The following VTI1A variants were observed in gnomAD, a reference collection of about 807,000 sequenced individuals.
VTI1A encodes vesicle transport through interaction with t-SNAREs 1A.
A neutral mutation model predicts 34.9 loss-of-function variants in VTI1A; 22 were observed. The ratio of observed to expected loss-of-function variants is 0.63; its 90% CI spans 0.45 to 0.90. VTI1A has a LOEUF of 0.90. Among genes scored for constraint, VTI1A ranks in the 40% least tolerant of loss-of-function variants. The pLI is 0.00. For synonymous variants in VTI1A, 87 were observed against 97.3 expected, an observed-to-expected ratio of 0.89 and a Z score of 0.62; for missense variants, 268 against 275.6, an observed-to-expected ratio of 0.97 and a Z score of 0.20.
intron 1 of VTI1A, among the ~76,000 whole-genome samples, chr10:112,459,140 A>C (rs1240162813): frequency 6.6e-6 from 1 of 152,208 alleles, no homozygotes; most frequent in African/African-American, 2.4e-5. Context: ...AATAAAGAAC[A>C]AGAAAGTTGT....
intron 5 of VTI1A, among the ~76,000 whole-genome samples, chr10:112,571,632 C>A (rs147701507): frequency 6.6e-6 from 1 of 152,122 alleles, no homozygotes; most frequent in South Asian, 2.1e-4. Flanking sequence ...AATCCCATTA[C>A]TGGATATGTA....
At position 112,589,892 on chromosome 10, in the gene VTI1A, G is replaced by A. The variant is rs1175390061; in HGVS notation, c.427+51562G>A. On this transcript the variant is annotated intron_variant, in intron 5 of 7. Transcript: ENST00000393077. ...AGAGAGAATATTTTATGTTAAGAAA[G>A]CCTGAATTTATTTCATGGGAATTGC... 2.6e-5 allele frequency among the ~76,000 whole-genome samples: 4 copies of A among 152,294 alleles called. No homozygotes were observed. In the East Asian group the frequency reaches 7.7e-4, roughly 29 times the overall value.
intron 5 of VTI1A, among the ~76,000 whole-genome samples, chr10:112,643,678 C>T (rs1336061628): frequency 6.6e-6 from 1 of 152,092 alleles, no homozygotes; most frequent in East Asian, 1.9e-4. Context: ...TCATTCTGTA[C>T]TGCATAAGCT....
At chr10:112,492,363 G>T (rs888847411) in intron 3 of VTI1A, among the ~76,000 whole-genome samples, 1 of 152,188 alleles carries the variant, frequency 6.6e-6, no homozygotes, top group South Asian at 2.1e-4. Flanking sequence ...TTAGCCCTAA[G>T]GGTCTTTTAC....
chr10:112,516,368 G>T (rs1849779848), intron 3 of VTI1A, among the ~76,000 whole-genome samples: 1 of 151,880 alleles, frequency 6.6e-6, no homozygotes, highest in African/African-American at 2.4e-5. Flanking sequence ...GTTGGAGAGT[G>T]GTCTGTTGCT....
chr10:112,663,286 C>T (rs1847529179), intron 5 of VTI1A, among the ~76,000 whole-genome samples: 1 of 152,218 alleles, frequency 6.6e-6, no homozygotes, highest in African/African-American at 2.4e-5. Flanking sequence ...ATTCTCAGAG[C>T]AGGTACTTGC....
the VTI1A span, among the ~76,000 whole-genome samples, chr10:112,841,673 C>T: frequency 6.6e-6 from 1 of 152,176 alleles, no homozygotes; most frequent in Non-Finnish European, 1.5e-5. Context: ...CAGCCCTGCC[C>T]ATGGCAGTCA....
intron 3 of VTI1A, among the ~76,000 whole-genome samples, chr10:112,500,862 T>G (rs1043082833): frequency 6.6e-6 from 1 of 152,236 alleles, no homozygotes; most frequent in Non-Finnish European, 1.5e-5. Context: ...ATTTTATACA[T>G]GCTATGTCCT....
At chr10:112,849,773 G>A in the VTI1A span, among the ~76,000 whole-genome samples, 11 of 152,306 alleles carry the variant, frequency 7.2e-5, no homozygotes, top group East Asian at 1.9e-4. Context: ...AGTCTGAGTC[G>A]CTGAATGCAC....
At chr10:112,807,112 C>G (rs1239007766) in intron 7 of VTI1A, among the ~76,000 whole-genome samples, 2 of 152,142 alleles carry the variant, frequency 1.3e-5, no homozygotes, top group East Asian at 1.9e-4. Context: ...CTGACCTGTC[C>G]TTTGGAGGAG....
At chr10:112,698,396 TGC>T (rs1271910377) in intron 7 of VTI1A, among the ~76,000 whole-genome samples, 1 of 152,222 alleles carries the variant, frequency 6.6e-6, no homozygotes, top group Non-Finnish European at 1.5e-5. Context: ...CCCCAGTTTT[TGC>T]TTACACTAGC....
intron 7 of VTI1A, among the ~76,000 whole-genome samples, chr10:112,782,916 G>C (rs1192997338): frequency 6.6e-6 from 1 of 152,152 alleles, no homozygotes; most frequent in Non-Finnish European, 1.5e-5. Flanking sequence ...TCAAACTGTA[G>C]TGTTCGTGGA....
At chr10:112,763,642 C>T (rs768902460) in intron 7 of VTI1A, among the ~76,000 whole-genome samples, 4 of 152,172 alleles carry the variant, frequency 2.6e-5, no homozygotes, top group Non-Finnish European at 5.9e-5. Context: ...AATCCTGCTT[C>T]GCTGAGTTGT....
In VTI1A at chr10:112,815,354, G is replaced by A; in HGVS notation, c.625G>A (p.Ala209Thr). ...GIIVVITILMAITFSVRRH is the reference protein window; with the variant it reads ...GIIVVITILMTITFSVRRH Reference sequence around the variant, plus strand: ...CATCGTGGTCATCACCATCCTGATGGCGATCACTTTTTCTGTCAGAAGACA... The same window carrying A: ...CATCGTGGTCATCACCATCCTGATGACGATCACTTTTTCTGTCAGAAGACA... Residue 209 changes from alanine to threonine, a missense_variant, in exon 8 of 8, where the codon GCG (alanine) becomes ACG (threonine). By Grantham distance (58) the Ala-to-Thr change is moderately conservative. Coordinates refer to ENST00000393077, the MANE Select transcript of VTI1A (RefSeq NM_145206.4). 6.2e-7 allele frequency: 1 copy of A among 1,613,986 alleles called. No homozygotes were observed. The highest frequency in any genetic ancestry group is 1.1e-5 in the South Asian group (1 of 91,070).
At position 112,668,945 on chromosome 10, in the gene VTI1A, A is replaced by G. The variant is rs544304026; in HGVS notation, c.507A>G (p.Glu169=). 6.2e-7 allele frequency: 1 copy of G among 1,612,426 alleles called. No individual in the cohort carries two copies. The highest frequency in any genetic ancestry group is 2.2e-5 in the East Asian group (1 of 44,844). Residue 169 remains glutamate, a synonymous_variant, in exon 7 of 8, where the codon GAA becomes GAG. Transcript: ENST00000393077. ...TTTGTTTCTTCTTGTAGCTTCGGGAAACAGATGCTAATTTGGGAAAAAGCT... is the reference window on the plus strand; with the variant it reads ...TTTGTTTCTTCTTGTAGCTTCGGGAGACAGATGCTAATTTGGGAAAAAGCT... ...KIQRARERLR[E]TDANLGKSSR...
intron 5 of VTI1A, among the ~76,000 whole-genome samples, chr10:112,616,506 C>A (rs4918760): frequency 0.67 from 102,397 of 151,936 alleles, 35,105 homozygotes; most frequent in African/African-American, 0.78. Flanking sequence ...CCTATACATT[C>A]AGTTCAACAA....
chr10:112,475,080 A>G lies in VTI1A; in HGVS notation c.264+10423A>G, dbSNP rs552192180. Reference sequence around the variant, plus strand: ...GTTCTTGACCCTTCTCATCATGTACACTTGATTAGAATAATATTATGTGTT... The same window carrying G: ...GTTCTTGACCCTTCTCATCATGTACGCTTGATTAGAATAATATTATGTGTT... On this transcript the variant is annotated intron_variant, in intron 3 of 7. Coordinates refer to ENST00000393077, the MANE Select transcript of VTI1A (RefSeq NM_145206.4). 2.0e-5 allele frequency among the ~76,000 whole-genome samples: 3 copies of G among 152,304 alleles called. No homozygotes were observed. In the East Asian group the frequency reaches 5.8e-4, roughly 29 times the overall value.
intron 3 of VTI1A, among the ~76,000 whole-genome samples, chr10:112,509,510 C>A (rs931578704): frequency 2.0e-5 from 3 of 152,078 alleles, no homozygotes; most frequent in Non-Finnish European, 2.9e-5. Context: ...ACATATCAGG[C>A]GTTAAGATTG....
At chr10:112,510,405 T>G (rs139277255) in intron 3 of VTI1A, among the ~76,000 whole-genome samples, 1 of 152,050 alleles carries the variant, frequency 6.6e-6, no homozygotes, top group Non-Finnish European at 1.5e-5. Flanking sequence ...GAGGCTGAGA[T>G]GGGGGATTGC....
Sources: allele counts gnomAD v4.1 joint callset (sites outside exome capture counted in the v4.1 genomes callset), GRCh38; gene constraint gnomAD v4.1.1; transcripts MANE v1.5; gene names NCBI Gene and HGNC (gene_info 2026-07-23, HGNC 2026-07-21).